TM9SF3: variants seen among roughly 807,000 people sequenced by gnomAD.
TM9SF3 encodes the protein transmembrane 9 superfamily member 3, also known as SM-11044-binding protein.
TM9SF3 carries 14 observed loss-of-function variants against 78.6 expected under a neutral mutation model. The ratio of observed to expected loss-of-function variants is 0.18; its 90% CI spans 0.12 to 0.28. The LOEUF is 0.28. TM9SF3 is among the 10% of genes least tolerant of loss of function. The pLI, the probability that TM9SF3 is intolerant of heterozygous loss-of-function variation, is 1.00. For synonymous variants in TM9SF3, 231 were observed against 241.7 expected (o/e 0.96, Z 0.41); for missense variants, 496 against 721.9 (o/e 0.69, Z 3.59).
intron 10 of TM9SF3, among the ~76,000 whole-genome samples, chr10:96,532,228 AAAAT>A (rs968008919): frequency 3.3e-5 from 5 of 151,424 alleles, no homozygotes; most frequent in East Asian, 1.9e-4. Flanking sequence ...TAATAATAAT[AAAAT>A]AAATAAATAA....
At chr10:96,550,086 C>T (rs986033804) in intron 7 of TM9SF3, among the ~76,000 whole-genome samples, 1 of 152,150 alleles carries the variant, frequency 6.6e-6, no homozygotes, top group Non-Finnish European at 1.5e-5. Flanking sequence ...CGCCAGAACT[C>T]TGAAGTTTAG....
chr10:96,583,248 T>G (rs1848593018), intron 1 of TM9SF3, among the ~76,000 whole-genome samples: 2 of 152,178 alleles, frequency 1.3e-5, no homozygotes, highest in Non-Finnish European at 1.5e-5. Flanking sequence ...CTATATAATT[T>G]GTGCGACCCA....
Position 96,527,505 on chromosome 10 carries a change from G to A in TM9SF3, c.1542-9C>T, listed in dbSNP as rs1480887575. On this transcript the variant is annotated splice_polypyrimidine_tract_variant and intron_variant, in intron 12 of 14. Transcript: ENST00000371142. ...GAAAACTTGTCCATTGCCTGGTGGG[G>A]GGAGGGGGAAAGAAGATAAATCTCT... 3.1e-6 allele frequency: 5 copies of A among 1,596,560 alleles called. No homozygotes were observed. In the African/African-American group the frequency reaches 4.0e-5, roughly 13 times the overall value.
chr10:96,518,809 T>C lies in TM9SF3; in HGVS notation c.*3454A>G, dbSNP rs1196575815. 6.6e-6 allele frequency: 1 copy of C among 150,842 alleles called. No individual in the cohort carries two copies. The highest frequency in any genetic ancestry group is 2.1e-4 in the South Asian group (1 of 4,754). The allele number at this position is 150,842 out of a possible 1,614,324, so 9.3% of individuals were successfully genotyped here. A position where few individuals can be genotyped will look rare whatever the true frequency, so the allele number is the denominator to read the frequency against. On this transcript the variant is annotated 3_prime_UTR_variant, in exon 15 of 15. Coordinates refer to ENST00000371142, the MANE Select transcript of TM9SF3 (RefSeq NM_020123.4). ...TGTACACACTTCCAAATACTCTTCA[T>C]AAATTTTCACTTCTGACTGAAATAT...
chr10:96,536,871 A>G (rs1289688588), intron 9 of TM9SF3, among the ~76,000 whole-genome samples: 1 of 152,232 alleles, frequency 6.6e-6, no homozygotes, highest in Non-Finnish European at 1.5e-5. Flanking sequence ...ATCATAGAGC[A>G]CTACAGCCTC....
In TM9SF3 at chr10:96,576,718, T is replaced by C. The variant is rs774457753; in HGVS notation, c.214A>G (p.Ser72Gly). The change falls in exon 2 of 15, where the codon AGT becomes GGT. Residue 72 changes from serine (S) to glycine (G), a missense_variant. Around this residue, in one of 4 missense-constraint regions of TM9SF3, gnomAD observed 155 missense variants for 241.6 expected, o/e 0.64. Transcript: ENST00000371142. ...AGAGTTTCATGGTAATGACTGATAC[T>C]TTTTTTTGACCCCACACAGAATGGA... ...SLPFCVGSKK[S>G]ISHYHETLGE... 6.3e-7 allele frequency: 1 copy of C among 1,582,098 alleles called. No homozygotes were observed. The highest frequency in any genetic ancestry group is 1.2e-5 in the South Asian group (1 of 86,686).
chr10:96,526,194 G>C (rs7915046), intron 14 of TM9SF3, among the ~76,000 whole-genome samples: 63,968 of 151,926 alleles, frequency 0.42, 14,536 homozygotes, highest in South Asian at 0.55. Context: ...ATTAAGTGGG[G>C]AGTTCACACC....
intron 7 of TM9SF3, among the ~76,000 whole-genome samples, chr10:96,550,814 A>G (rs1044595125): frequency 6.6e-6 from 1 of 152,054 alleles, no homozygotes; most frequent in African/African-American, 2.4e-5. Context: ...TCTTTTTACT[A>G]TTATTTACAA....
chr10:96,529,200 A>G (rs1465909598), intron 11 of TM9SF3, among the ~76,000 whole-genome samples: 1 of 152,138 alleles, frequency 6.6e-6, no homozygotes, highest in Non-Finnish European at 1.5e-5. Flanking sequence ...AGTTACAGAG[A>G]CACACACTCC....
intron 1 of TM9SF3, among the ~76,000 whole-genome samples, chr10:96,581,826 G>C (rs1018604): frequency 0.59 from 89,363 of 152,112 alleles, 27,935 homozygotes; most frequent in East Asian, 0.83. Flanking sequence ...CAGAGGCTGA[G>C]TAAACGATTC....
At chr10:96,572,533 T>C (rs1490768184) in intron 2 of TM9SF3, among the ~76,000 whole-genome samples, 2 of 151,104 alleles carry the variant, frequency 1.3e-5, no homozygotes, top group South Asian at 2.1e-4. Flanking sequence ...TTCTTTTTTT[T>C]TTTTTTTTTT....
In TM9SF3 at chr10:96,536,321, C is replaced by A. The variant is rs115257410; in HGVS notation, c.1186-3131G>T. Reference sequence around the variant, plus strand: ...GCAGGTTTTAGCCAGTGCAATCAGACAACAAAAAGAAATAACAGACATACA... The same window carrying A: ...GCAGGTTTTAGCCAGTGCAATCAGAAAACAAAAAGAAATAACAGACATACA... On this transcript the variant is annotated intron_variant, in intron 9 of 14. Transcript: ENST00000371142. Among the ~76,000 whole-genome samples the A allele has an allele frequency of 3.7e-3, 558 of 152,024 alleles. 3 individuals carry two copies. The highest frequency in any genetic ancestry group is 0.013 in the African/African-American group (536 of 41,482).
At chr10:96,580,026 TG>T (rs1199023039) in intron 1 of TM9SF3, among the ~76,000 whole-genome samples, 1 of 151,900 alleles carries the variant, frequency 6.6e-6, no homozygotes, top group Non-Finnish European at 1.5e-5. Flanking sequence ...CAGAAGAAGG[TG>T]GGGTGGAGTC....
chr10:96,560,779 G>GA, intron 4 of TM9SF3: 3 of 563,532 alleles, frequency 5.3e-6, no homozygotes, highest in Non-Finnish European at 1.0e-5. Flanking sequence ...AATCAGAATG[G>GA]AAAAGACTCA....
intron 5 of TM9SF3, among the ~76,000 whole-genome samples, chr10:96,554,475 C>T (rs893649526): frequency 6.6e-6 from 1 of 152,148 alleles, no homozygotes; most frequent in Non-Finnish European, 1.5e-5. Flanking sequence ...CTCTCTGCCA[C>T]ATCTGACCTT....
chr10:96,532,306 A>G (rs1729242332), intron 10 of TM9SF3, among the ~76,000 whole-genome samples: 1 of 152,100 alleles, frequency 6.6e-6, no homozygotes, highest in Non-Finnish European at 1.5e-5. Flanking sequence ...TAAGGAAAGA[A>G]AAGAATATGG....
intron 12 of TM9SF3, 75 bp downstream of exon 12, chr10:96,527,956 T>C (rs1847856813): frequency 1.4e-6 from 2 of 1,465,608 alleles, no homozygotes; most frequent in Non-Finnish European, 1.9e-6. Flanking sequence ...TTTACTCCAC[T>C]TGATAGATTT....
At chr10:96,539,870 G>C (rs1848002211) in intron 9 of TM9SF3, among the ~76,000 whole-genome samples, 1 of 152,034 alleles carries the variant, frequency 6.6e-6, no homozygotes, top group African/African-American at 2.4e-5. Context: ...CAGCAACAAA[G>C]AAAACTAACT....
chr10:96,549,389 A>G (rs939466496), intron 7 of TM9SF3, among the ~76,000 whole-genome samples: 2 of 152,156 alleles, frequency 1.3e-5, no homozygotes, highest in African/African-American at 4.8e-5. Context: ...CAAATTAAGA[A>G]AAGAGTTCTG....
Sources: gnomAD v4.1 joint callset for allele counts (sites outside exome capture counted in the v4.1 genomes callset) on GRCh38, gnomAD v4.1.1 for gene constraint, gnomAD v4.1.1 regional missense constraint, MANE v1.5 for transcripts, NCBI Gene and HGNC (gene_info 2026-07-23, HGNC 2026-07-21) for gene names.